Variants in SEL1L2 observed in about 807,000 individuals in gnomAD.
The protein encoded by SEL1L2 is protein sel-1 homolog 2.
A neutral mutation model predicts 98.8 loss-of-function variants in SEL1L2; 89 were observed. The observed-to-expected ratio is 0.90, with a 90% CI of 0.76 to 1.07. The LOEUF is 1.07. Ranked by LOEUF, SEL1L2 falls within the 50% of genes least tolerant of loss-of-function variation. The pLI is 0.00. For missense variants in SEL1L2, 788 were observed against 812.0 expected (o/e 0.97, Z 0.36); for synonymous variants, 262 against 278.5 (o/e 0.94, Z 0.59).
intron 2 of SEL1L2, among the ~76,000 whole-genome samples, chr20:13,936,547 C>T (rs1264799088): frequency 6.6e-6 from 1 of 152,186 alleles, no homozygotes; most frequent in Non-Finnish European, 1.5e-5. Flanking sequence ...CTGTGGTCCC[C>T]ATCCAGAATT....
At chr20:13,975,864 TG>T (rs757627103) in intron 1 of SEL1L2, among the ~76,000 whole-genome samples, 9 of 152,272 alleles carry the variant, frequency 5.9e-5, no homozygotes, top group Middle Eastern at 3.4e-3. Context: ...TTTTGTTTTT[TG>T]TTTATAGAGA....
At chr20:13,912,572 C>T (rs745935491) in intron 5 of SEL1L2, among the ~76,000 whole-genome samples, 2 of 152,134 alleles carry the variant, frequency 1.3e-5, no homozygotes, top group African/African-American at 2.4e-5. Flanking sequence ...GCTAGGATTA[C>T]AGGCATGAGC....
intron 2 of SEL1L2, among the ~76,000 whole-genome samples, chr20:13,933,032 A>G (rs927127795): frequency 2.7e-5 from 4 of 150,514 alleles, no homozygotes; most frequent in Non-Finnish European, 5.9e-5. Flanking sequence ...ACATGGTGAA[A>G]CCCCGTCTCT....
chr20:13,866,744 T>G lies in SEL1L2; in HGVS notation c.1362A>C (p.Ala454=). The G allele has an allele frequency of 6.2e-7, 1 of 1,608,932 alleles. No homozygotes were observed. The highest frequency in any genetic ancestry group is 8.5e-7 in the Non-Finnish European group (1 of 1,178,450). The change falls in exon 15 of 20, where the codon GCA becomes GCC. Residue 454 remains alanine, a synonymous_variant. Transcript: ENST00000284951. ...ATGATCTTACTACTCCTGTTCCTGTTGCATACATCTTGGCCAGATAATAAA... is the reference window on the plus strand; with the variant it reads ...ATGATCTTACTACTCCTGTTCCTGTGGCATACATCTTGGCCAGATAATAAA... ...LAIYYLAKMY[A]TGTGVVRSCR...
chr20:13,886,293 T>A lies in SEL1L2; in HGVS notation c.895A>T (p.Ile299Leu), dbSNP rs1410580045. 1 of 1,606,446 alleles carries A rather than the reference T, an allele frequency of 6.2e-7. No homozygotes were observed. The highest frequency in any genetic ancestry group is 8.5e-7 in the Non-Finnish European group (1 of 1,175,272). The change falls in exon 9 of 20, where the codon ATA becomes TTA. Residue 299 changes from isoleucine (I) to leucine (L), a missense_variant. Transcript: ENST00000284951. ...KFLAERGDVQIQVSLGQLHLI... is the reference protein window; with the variant it reads ...KFLAERGDVQLQVSLGQLHLI... ...ATCTCATCTGTATACATTACTTGTA[T>A]CTGAACATCTCCTCTTTCTGCCAAA...
chr20:13,929,721 C>T (rs1171971533), intron 3 of SEL1L2, among the ~76,000 whole-genome samples: 1 of 151,596 alleles, frequency 6.6e-6, no homozygotes, highest in Non-Finnish European at 1.5e-5. Context: ...AGGATGGTCT[C>T]GATCTCCTGA....
In SEL1L2 at chr20:13,971,299, C is replaced by G. The variant is rs140041032; in HGVS notation, c.59-15168G>C. Among the ~76,000 whole-genome samples the G allele has an allele frequency of 4.7e-3, 712 of 152,294 alleles. 4 individuals are homozygous for G. Among genetic ancestry groups the G allele is most frequent in the African/African-American group, 0.016 (666 of 41,550 alleles). ...AGCAGTGAAAATTATCCATTCCTTC[C>G]TCACTTATAACCTTTTTGTTTGTGT... On this transcript the variant is annotated intron_variant, in intron 1 of 19. Transcript: ENST00000284951.
intron 5 of SEL1L2, among the ~76,000 whole-genome samples, chr20:13,901,822 C>T (rs572494710): frequency 7.4e-4 from 112 of 151,924 alleles, no homozygotes; most frequent in African/African-American, 2.6e-3. Context: ...CCACCACGCC[C>T]GGCTAATTTT....
At chr20:13,895,863 A>C (rs1257889595) in intron 5 of SEL1L2, among the ~76,000 whole-genome samples, 1 of 152,212 alleles carries the variant, frequency 6.6e-6, no homozygotes, top group African/African-American at 2.4e-5. Context: ...TTAGACACAC[A>C]CACACAAACT....
chr20:13,878,575 G>T, intron 10 of SEL1L2, among the ~76,000 whole-genome samples: 1 of 152,222 alleles, frequency 6.6e-6, no homozygotes, highest in Admixed American at 6.5e-5. Flanking sequence ...AAAGAGAAGA[G>T]AATGTTTAAG....
intron 5 of SEL1L2, among the ~76,000 whole-genome samples, chr20:13,909,803 T>C (rs758444625): frequency 1.6e-4 from 24 of 152,036 alleles, no homozygotes; most frequent in Non-Finnish European, 4.4e-5. Context: ...CCTTCTCTAC[T>C]AAAAATACAA....
chr20:13,888,117 C>A, intron 6 of SEL1L2, 116 bp from the exon 7 acceptor site: 1 of 834,118 alleles, frequency 1.2e-6, no homozygotes, highest in Non-Finnish European at 1.9e-6. Flanking sequence ...CATTGAGTTA[C>A]TCCAAAATAA....
At chr20:13,858,841 A>G (rs1193793152) in intron 18 of SEL1L2, among the ~76,000 whole-genome samples, 1 of 152,212 alleles carries the variant, frequency 6.6e-6, no homozygotes, top group Non-Finnish European at 1.5e-5. Flanking sequence ...TTTCTGGATT[A>G]ATACCACCTT....
chr20:13,915,897 C>T (rs150078201), intron 4 of SEL1L2, among the ~76,000 whole-genome samples: 164 of 152,194 alleles, frequency 1.1e-3, no homozygotes, highest in African/African-American at 3.6e-3. Flanking sequence ...TGGCATTGGA[C>T]GCTTAGGTGG....
chr20:13,885,286 G>A (rs890056097), intron 10 of SEL1L2, 61 bp downstream of exon 10: 3 of 1,085,384 alleles, frequency 2.8e-6, no homozygotes, highest in Non-Finnish European at 4.3e-6. Flanking sequence ...TCACTTCCCT[G>A]CCAGCCTCCC....
chr20:13,980,609 A>T (rs1020425111), intron 1 of SEL1L2, among the ~76,000 whole-genome samples: 2 of 152,186 alleles, frequency 1.3e-5, no homozygotes, highest in African/African-American at 4.8e-5. Context: ...AAGAATTGGC[A>T]TATGATCCAG....
chr20:13,939,957 G>A (rs749166939), intron 2 of SEL1L2, among the ~76,000 whole-genome samples: 6 of 152,060 alleles, frequency 3.9e-5, no homozygotes, highest in Non-Finnish European at 8.8e-5. Context: ...GTAAGCCACC[G>A]CGCCTGGCCA....
chr20:13,981,544 T>C (rs1569083567), intron 1 of SEL1L2, among the ~76,000 whole-genome samples: 1 of 152,152 alleles, frequency 6.6e-6, no homozygotes, highest in East Asian at 1.9e-4. Context: ...TATCAAAACA[T>C]CACATTGTGC....
At chr20:13,851,905 T>C (rs1218955639) in intron 18 of SEL1L2, among the ~76,000 whole-genome samples, 4 of 152,196 alleles carry the variant, frequency 2.6e-5, no homozygotes, top group South Asian at 2.1e-4. Context: ...CTGCTTATTA[T>C]AGCTTAAATA....
Sources: gnomAD v4.1 joint callset for allele counts (sites outside exome capture counted in the v4.1 genomes callset) on GRCh38, gnomAD v4.1.1 for gene constraint, MANE v1.5 for transcripts, NCBI Gene and HGNC (gene_info 2026-07-23, HGNC 2026-07-21) for gene names.